SMG6: variants seen among roughly 807,000 people sequenced by gnomAD.
SMG6 encodes telomerase-binding protein EST1A.
A neutral mutation model predicts 142.2 loss-of-function variants in SMG6; 66 were observed. That is an observed-to-expected ratio of 0.46 (90% CI 0.38 to 0.57). The LOEUF (loss-of-function observed/expected upper bound fraction) is 0.57. Among genes scored for constraint, SMG6 ranks in the 20% least tolerant of loss-of-function variants. The probability of loss-of-function intolerance (pLI) is 0.00; values close to 1 mark genes in which losing one functional copy is unlikely to be tolerated. For missense variants in SMG6, 1,793 were observed against 1,832.0 expected (o/e 0.98, Z 0.39); for synonymous variants, 779 against 702.4 (o/e 1.11, Z -1.72).
chr17:2,200,453 C>T (rs1248608995), intron 10 of SMG6, among the ~76,000 whole-genome samples: 2 of 151,660 alleles, frequency 1.3e-5, no homozygotes, highest in African/African-American at 2.4e-5. Context: ...TGGTGTGCTG[C>T]ACCCATCAAC....
At chr17:2,094,175 G>A (rs1177829416) in intron 13 of SMG6, among the ~76,000 whole-genome samples, 2 of 152,214 alleles carry the variant, frequency 1.3e-5, no homozygotes, top group South Asian at 2.1e-4. Flanking sequence ...TCACAGTGGG[G>A]TACGGGCGGT....
chr17:2,112,165 T>C (rs1442648367), intron 13 of SMG6, among the ~76,000 whole-genome samples: 2 of 151,922 alleles, frequency 1.3e-5, no homozygotes, highest in African/African-American at 4.8e-5. Flanking sequence ...AATTGAAGCT[T>C]AGAAATCTTC....
At chr17:2,186,516 G>A in intron 12 of SMG6, 147 bp downstream of exon 12, 2 of 803,400 alleles carry the variant, frequency 2.5e-6, no homozygotes, top group Non-Finnish European at 3.9e-6. Flanking sequence ...GGATAGGGAA[G>A]GTATTCAAAA....
At chr17:2,278,139 A>G (rs550128433) in intron 8 of SMG6, among the ~76,000 whole-genome samples, 199 of 152,288 alleles carry the variant, frequency 1.3e-3, no homozygotes, top group Non-Finnish European at 2.4e-3. Context: ...GTCTGGAAGG[A>G]CATCAATCAG....
intron 13 of SMG6, among the ~76,000 whole-genome samples, chr17:2,156,227 T>TA: frequency 6.7e-6 from 1 of 149,968 alleles, no homozygotes; most frequent in South Asian, 2.1e-4. Context: ...CTGTCTCTAC[T>TA]AAAAATACAA....
At chr17:2,243,917 G>A (rs1211634887) in intron 9 of SMG6, among the ~76,000 whole-genome samples, 1 of 152,190 alleles carries the variant, frequency 6.6e-6, no homozygotes, top group Non-Finnish European at 1.5e-5. Context: ...TACTCAGGGA[G>A]ATCCTATACT....
At chr17:2,206,119 T>C (rs2072673408) in intron 10 of SMG6, among the ~76,000 whole-genome samples, 1 of 152,162 alleles carries the variant, frequency 6.6e-6, no homozygotes, top group African/African-American at 2.4e-5. Context: ...TGAAAATATT[T>C]TTTATAACAC....
chr17:2,137,536 C>A (rs933528158), intron 13 of SMG6, among the ~76,000 whole-genome samples: 2 of 152,008 alleles, frequency 1.3e-5, no homozygotes, highest in African/African-American at 4.8e-5. Flanking sequence ...TGGGCTTACT[C>A]ATCACAGCTG....
At position 2,061,476 on chromosome 17, in the gene SMG6, C is replaced by T; in HGVS notation, c.*16G>A. 1 of 1,363,332 alleles carries T rather than the reference C, an allele frequency of 7.3e-7. No individual in the cohort carries two copies. The highest frequency in any genetic ancestry group is 1.4e-5 in the South Asian group (1 of 73,818). The allele number at this position is 1,363,332 out of a possible 1,614,324, so 84.5% of individuals were successfully genotyped here. A position where few individuals can be genotyped will look rare whatever the true frequency, so the allele number is the denominator to read the frequency against. On this transcript the variant is annotated 3_prime_UTR_variant, in exon 19 of 19. Coordinates refer to ENST00000263073, the MANE Select transcript of SMG6 (RefSeq NM_017575.5). ...CAGGAACGGTTCCACGGGGGGGGGGCCCCAGTGTGGCTCCCTCAGCCCACC... is the reference window on the plus strand; with the variant it reads ...CAGGAACGGTTCCACGGGGGGGGGGTCCCAGTGTGGCTCCCTCAGCCCACC...
chr17:2,193,465 G>A (rs1314616658), intron 10 of SMG6, among the ~76,000 whole-genome samples: 2 of 152,154 alleles, frequency 1.3e-5, no homozygotes, highest in Non-Finnish European at 2.9e-5. Flanking sequence ...GAAGAAGGTG[G>A]AAGGTAATTT....
chr17:2,153,877 G>A (rs576714937), intron 13 of SMG6, among the ~76,000 whole-genome samples: 10 of 135,312 alleles, frequency 7.4e-5, no homozygotes, highest in African/African-American at 2.5e-4. Flanking sequence ...TAGAGTGTGC[G>A]GTGACGGGGG....
intron 13 of SMG6, among the ~76,000 whole-genome samples, chr17:2,161,421 T>A (rs994317432): frequency 1.3e-5 from 2 of 151,874 alleles, no homozygotes; most frequent in African/African-American, 4.8e-5. Context: ...TATTTATTTT[T>A]TTTTTTGAGA....
At chr17:2,268,686 C>T (rs1272694758) in intron 8 of SMG6, among the ~76,000 whole-genome samples, 2 of 152,150 alleles carry the variant, frequency 1.3e-5, no homozygotes, top group Non-Finnish European at 2.9e-5. Context: ...CCGAGGTGGG[C>T]GGATCACAAG....
intron 13 of SMG6, among the ~76,000 whole-genome samples, chr17:2,152,142 C>G (rs952825064): frequency 1.3e-5 from 2 of 152,132 alleles, no homozygotes; most frequent in East Asian, 3.8e-4. Context: ...AAGTGAGGAA[C>G]CCAGTTGAAG....
chr17:2,263,670 A>G (rs925351489), intron 8 of SMG6, among the ~76,000 whole-genome samples: 9 of 152,026 alleles, frequency 5.9e-5, no homozygotes, highest in Admixed American at 1.3e-4. Flanking sequence ...TACTAGGGAG[A>G]AAAAAAAGAG....
chr17:2,164,173 T>C (rs1426014853), intron 13 of SMG6, among the ~76,000 whole-genome samples: 1 of 151,792 alleles, frequency 6.6e-6, no homozygotes, highest in Non-Finnish European at 1.5e-5. Context: ...TCCCAGCACT[T>C]TGGGAGGCTG....
chr17:2,265,525 T>A (rs186020563), intron 8 of SMG6, among the ~76,000 whole-genome samples: 48 of 151,386 alleles, frequency 3.2e-4, no homozygotes, highest in Non-Finnish European at 6.5e-4. Context: ...AAAAAAACTG[T>A]CTGCTTAAAA....
chr17:2,062,275 A>G (rs1183596156), intron 18 of SMG6: 1 of 152,334 alleles, frequency 6.6e-6, no homozygotes, highest in Non-Finnish European at 1.5e-5. Context: ...CAGAAGAGTA[A>G]AAAGGAAGAG....
intron 13 of SMG6, among the ~76,000 whole-genome samples, chr17:2,092,913 A>C (rs2068762307): frequency 6.6e-6 from 1 of 152,190 alleles, no homozygotes; most frequent in East Asian, 1.9e-4. Context: ...AAGATAATAC[A>C]GGCCGGGTGC....
Sources: gnomAD v4.1 joint callset for allele counts (sites outside exome capture counted in the v4.1 genomes callset) on GRCh38, gnomAD v4.1.1 for gene constraint, MANE v1.5 for transcripts, NCBI Gene and HGNC (gene_info 2026-07-23, HGNC 2026-07-21) for gene names.